The following ARID1B variants were observed in gnomAD, a reference collection of about 807,000 sequenced individuals.
The protein encoded by ARID1B is AT-rich interaction domain 1B.
ARID1B carries 30 observed loss-of-function variants against 212.3 expected under a neutral mutation model. The observed-to-expected ratio is 0.14, with a 90% CI of 0.11 to 0.19. The LOEUF (loss-of-function observed/expected upper bound fraction) is 0.19, where lower values mean the gene tolerates loss of function less well. Ranked by LOEUF, ARID1B falls within the 10% of genes least tolerant of loss-of-function variation. ARID1B has a pLI of 1.00. For synonymous variants in ARID1B, 1,402 were observed against 1,301.7 expected (o/e 1.08, Z -1.66); for missense variants, 2,891 against 3,204.0 (o/e 0.90, Z 2.36).
chr6:156,895,703 G>GTGTC (rs1427521992), intron 2 of ARID1B, among the ~76,000 whole-genome samples: 1 of 151,956 alleles, frequency 6.6e-6, no homozygotes, highest in Admixed American at 6.5e-5. Flanking sequence ...AGACACACTT[G>GTGTC]TGTAATTACA....
chr6:156,835,567 A>G (rs1003477915), intron 2 of ARID1B, among the ~76,000 whole-genome samples: 1 of 152,104 alleles, frequency 6.6e-6, no homozygotes, highest in African/African-American at 2.4e-5. Flanking sequence ...CATTTACATT[A>G]TTCTCGATTT....
At chr6:156,891,689 A>G (rs1406499296) in intron 2 of ARID1B, among the ~76,000 whole-genome samples, 1 of 152,120 alleles carries the variant, frequency 6.6e-6, no homozygotes, top group Non-Finnish European at 1.5e-5. Context: ...TGTTATTTTT[A>G]ATGGCTCTAT....
At chr6:156,841,621 T>C (rs2128086307) in intron 2 of ARID1B, among the ~76,000 whole-genome samples, 1 of 152,324 alleles carries the variant, frequency 6.6e-6, no homozygotes, top group Middle Eastern at 3.4e-3. Flanking sequence ...TCTCCTTTAA[T>C]CCCTGCCATG....
intron 3 of ARID1B, among the ~76,000 whole-genome samples, chr6:156,908,056 C>T (rs1789552945): frequency 6.6e-6 from 1 of 151,934 alleles, no homozygotes; most frequent in South Asian, 2.1e-4. Context: ...TTTTGTCTTA[C>T]CCCTGATTTT....
intron 2 of ARID1B, among the ~76,000 whole-genome samples, chr6:156,882,475 A>G (rs1395167534): frequency 2.0e-5 from 3 of 152,228 alleles, no homozygotes; most frequent in African/African-American, 7.2e-5. Context: ...ACACATGTGA[A>G]TAATGGAAAA....
At chr6:157,199,143 T>C (rs1320878061) in intron 17 of ARID1B, among the ~76,000 whole-genome samples, 1 of 152,210 alleles carries the variant, frequency 6.6e-6, no homozygotes, top group Non-Finnish European at 1.5e-5. Context: ...TAATAAGAAG[T>C]TGAGTGTATT....
chr6:156,961,866 T>G (rs1034396260), intron 4 of ARID1B, among the ~76,000 whole-genome samples: 1 of 152,140 alleles, frequency 6.6e-6, no homozygotes, highest in African/African-American at 2.4e-5. Context: ...AAACATAATG[T>G]TGGGGTGGGG....
chr6:157,039,480 G>A lies in ARID1B; in HGVS notation c.2248-45182G>A, dbSNP rs1046832603. 5.9e-5 allele frequency among the ~76,000 whole-genome samples: 9 copies of A among 151,598 alleles called. No individual in the cohort carries two copies. In the South Asian group the frequency reaches 8.3e-4, roughly 14 times the overall value. ...CGAGTAGCTGGGACTACAGGCGCCC[G>A]CCACCGCGCCCGGCTAATTTTTTGT... On this transcript the variant is annotated intron_variant, in intron 4 of 19. Transcript: ENST00000636930.
In ARID1B at chr6:157,206,182, G is replaced by T. The variant is rs1308269596; in HGVS notation, c.5410G>T (p.Glu1804Ter). The change falls in exon 20 of 20, where the codon GAA becomes TAA. Residue 1804 changes from glutamate to a stop codon, truncating the protein, a stop_gained. Coordinates refer to ENST00000636930, the MANE Select transcript of ARID1B (RefSeq NM_001374828.1). LOFTEE classifies it high-confidence loss of function. This position sits in a 1 kb window ranked among gnomAD's most constrained non-coding sequence, Gnocchi z 6.8. ...FNLSQLSGFL[E>*]LLVEYFRKCL... ...TCCTCTCCAGTTGTCTGGATTTCTC[G>T]AACTTTTAGTCGAGTACTTTAGAAA... is the stretch of plus-strand genomic sequence containing the variant. 6.2e-7 allele frequency: 1 copy of T among 1,613,668 alleles called. No homozygotes were observed. The highest frequency in any genetic ancestry group is 1.1e-5 in the South Asian group (1 of 91,018).
intron 4 of ARID1B, chr6:156,976,387 G>A (rs1777250954): frequency 6.1e-6 from 1 of 164,268 alleles, no homozygotes; most frequent in African/African-American, 2.4e-5. Context: ...GTTTCTCACT[G>A]TGATGATGCA....
At chr6:157,062,041 C>T (rs974412013) in intron 4 of ARID1B, among the ~76,000 whole-genome samples, 1 of 152,136 alleles carries the variant, frequency 6.6e-6, no homozygotes, top group African/African-American at 2.4e-5. Flanking sequence ...ACAGCCCATG[C>T]GTGCTGTCAC....
intron 4 of ARID1B, among the ~76,000 whole-genome samples, chr6:156,966,930 C>T (rs1794809048): frequency 6.6e-6 from 1 of 151,942 alleles, no homozygotes; most frequent in Non-Finnish European, 1.5e-5. Flanking sequence ...GAACTCCTGA[C>T]CTCAGGTGAT....
intron 7 of ARID1B, among the ~76,000 whole-genome samples, chr6:157,136,342 C>T (rs73021537): frequency 0.043 from 6,584 of 152,104 alleles, 207 homozygotes; most frequent in Non-Finnish European, 0.069. Flanking sequence ...AATAATTCGG[C>T]CATGATCCCA....
intron 15 of ARID1B, chr6:157,194,949 A>G (rs1169401736): frequency 6.6e-6 from 1 of 152,150 alleles, no homozygotes; most frequent in Non-Finnish European, 1.5e-5. Flanking sequence ...CGATTTCACC[A>G]CTGCAGTTGC....
chr6:157,125,612 G>A (rs766049409), intron 6 of ARID1B, among the ~76,000 whole-genome samples: 4 of 152,140 alleles, frequency 2.6e-5, no homozygotes, highest in Admixed American at 1.3e-4. Flanking sequence ...TGACTTCTTC[G>A]AGGAAACCTT....
intron 6 of ARID1B, among the ~76,000 whole-genome samples, chr6:157,130,431 A>G (rs1371333619): frequency 6.6e-6 from 1 of 152,228 alleles, no homozygotes; most frequent in African/African-American, 2.4e-5. Context: ...TAAATATTTC[A>G]TGTAACATCT....
intron 3 of ARID1B, among the ~76,000 whole-genome samples, chr6:156,934,446 G>T (rs971357619): frequency 4.6e-5 from 7 of 152,148 alleles, no homozygotes; most frequent in Non-Finnish European, 7.4e-5. Context: ...ATGCCAGAAA[G>T]GCCGTGTTAA....
intron 4 of ARID1B, among the ~76,000 whole-genome samples, chr6:157,032,225 T>A (rs537033973): frequency 5.9e-5 from 9 of 152,276 alleles, no homozygotes; most frequent in Admixed American, 5.9e-4. Flanking sequence ...TGTTTTTAAT[T>A]TCTTTACATT....
Position 156,888,296 on chromosome 6 carries a change from G to A in ARID1B, c.1987-13080G>A, listed in dbSNP as rs114182213. Among the ~76,000 whole-genome samples, 437 of 152,270 alleles carry A rather than the reference G, an allele frequency of 2.9e-3. 2 individuals carry two copies. The highest frequency in any genetic ancestry group is 9.7e-3 in the African/African-American group (402 of 41,544). On this transcript the variant is annotated intron_variant, in intron 2 of 19. Coordinates refer to ENST00000636930, the MANE Select transcript of ARID1B (RefSeq NM_001374828.1). ...GTAATTCCCATCACTTCTGCTTCCC[G>A]AGTGTTTTCTGTTTTACACTGTAGT...
Sources: allele counts gnomAD v4.1 joint callset (sites outside exome capture counted in the v4.1 genomes callset), GRCh38; gene constraint gnomAD v4.1.1; non-coding constraint Gnocchi (gnomAD v3.1); transcripts MANE v1.5; gene names NCBI Gene and HGNC (gene_info 2026-07-23, HGNC 2026-07-21).